RHOQ: variants seen among roughly 807,000 people sequenced by gnomAD.
RHOQ encodes rho-related GTP-binding protein RhoQ.
In RHOQ, 7 loss-of-function variants were observed where a neutral mutation model predicts 25.8. The ratio of observed to expected loss-of-function variants is 0.27; its 90% CI spans 0.15 to 0.51. The LOEUF (loss-of-function observed/expected upper bound fraction) is 0.51. RHOQ is among the 20% of genes least tolerant of loss of function. RHOQ has a pLI of 0.97. For synonymous variants in RHOQ, 97 were observed against 98.6 expected (o/e 0.98, Z 0.10); for missense variants, 165 against 260.6 (o/e 0.63, Z 2.53).
chr2:46,582,709 G>A lies in RHOQ; in HGVS notation c.*1626G>A, dbSNP rs1016972107. The A allele has an allele frequency of 5.2e-5, 8 of 152,546 alleles. No homozygotes were observed. Among genetic ancestry groups the A allele is most frequent in the African/African-American group, 1.9e-4 (8 of 41,416 alleles). The allele number at this position is 152,546 out of a possible 1,614,324, so 9.4% of individuals were successfully genotyped here. ...TGTCTACTGCACAGATTGGGTAATG[G>A]AACACTAAACTTTTATACTTGAAAA... is the stretch of plus-strand genomic sequence containing the variant. On this transcript the variant is annotated 3_prime_UTR_variant, in exon 5 of 5. Transcript: ENST00000238738.
intron 2 of RHOQ, among the ~76,000 whole-genome samples, chr2:46,568,100 T>C (rs374274085): frequency 1.3e-4 from 20 of 152,214 alleles, no homozygotes; most frequent in African/African-American, 4.8e-4. Context: ...TGCACTAAAG[T>C]TATGCCAAAA....
At chr2:46,571,927 C>A (rs185043982) in intron 2 of RHOQ, among the ~76,000 whole-genome samples, 2 of 151,950 alleles carry the variant, frequency 1.3e-5, no homozygotes, top group African/African-American at 4.8e-5. Flanking sequence ...ATGAAGGGGA[C>A]AAAGAATAGT....
At chr2:46,561,128 C>CTG (rs201570998) in intron 2 of RHOQ, among the ~76,000 whole-genome samples, 5,870 of 149,170 alleles carry the variant, frequency 0.039, 126 homozygotes, top group African/African-American at 0.064. Flanking sequence ...GTTTATATGT[C>CTG]TGTGTGTGTG....
chr2:46,578,908 G>GAGAGAAAATATTGTATATATTTCTCTCTA (rs1669240475), intron 4 of RHOQ, among the ~76,000 whole-genome samples: 1 of 143,216 alleles, frequency 7.0e-6, no homozygotes, highest in Admixed American at 7.1e-5. Flanking sequence ...GTGTGTGTGT[G>GAGAGAAAATATTGTATATATTTCTCTCTA]TATATGTATA....
intron 1 of RHOQ, 122 bp from the exon 2 acceptor site, chr2:46,543,632 G>A: frequency 8.7e-6 from 7 of 804,038 alleles, no homozygotes; most frequent in Non-Finnish European, 1.5e-5. Flanking sequence ...GTGACATCTC[G>A]CGGGGAGCGC....
rs956987133 is a variant in RHOQ, at chr2:46,573,571, T to C, written c.202-2516T>C. On this transcript the variant is annotated intron_variant, in intron 2 of 4. Coordinates refer to ENST00000238738, the MANE Select transcript of RHOQ (RefSeq NM_012249.4). Reference sequence around the variant, plus strand: ...TGATTGGTCCAATTGTCCTCCTTTGTGCTCACGTCTCTCATGGAGGAAAGT... The same window carrying C: ...TGATTGGTCCAATTGTCCTCCTTTGCGCTCACGTCTCTCATGGAGGAAAGT... 2.0e-5 allele frequency among the ~76,000 whole-genome samples: 3 copies of C among 152,258 alleles called. No homozygotes were observed. In the South Asian group the frequency reaches 6.2e-4, roughly 31 times the overall value.
intron 2 of RHOQ, among the ~76,000 whole-genome samples, chr2:46,545,421 G>A (rs1668013869): frequency 6.6e-6 from 1 of 152,120 alleles, no homozygotes; most frequent in South Asian, 2.1e-4. Flanking sequence ...TGTTCAACAG[G>A]ATGTGTGTAG....
rs1433565454 is a variant in RHOQ, at chr2:46,548,449, C to A, written c.201+4637C>A. On this transcript the variant is annotated intron_variant, in intron 2 of 4. Coordinates refer to ENST00000238738, the MANE Select transcript of RHOQ (RefSeq NM_012249.4). This position sits in a 1 kb window ranked among gnomAD's most constrained non-coding sequence, Gnocchi z 5.2. ...CTCCTCCCACCTCCAGGCAAGTCAT[C>A]CTCACAACACCCTTCAAGGTAGACT... Among the ~76,000 whole-genome samples the A allele has an allele frequency of 2.6e-5, 4 of 152,336 alleles. No individual in the cohort carries two copies. The East Asian group carries it at 7.7e-4, about 29-fold the overall frequency.
chr2:46,561,818 G>A (rs1298280846), intron 2 of RHOQ, among the ~76,000 whole-genome samples: 6 of 152,050 alleles, frequency 3.9e-5, no homozygotes, highest in East Asian at 1.9e-4. Context: ...CCTCTGCACC[G>A]CATTTTTTTA....
At chr2:46,543,448 C>T (rs1572729825) in intron 1 of RHOQ, 2 of 601,294 alleles carry the variant, frequency 3.3e-6, no homozygotes, top group South Asian at 2.0e-5. Context: ...GGGCCGTCCT[C>T]CTTGACCTTC....
At chr2:46,577,012 C>T (rs1033853712) in intron 4 of RHOQ, 1 of 173,708 alleles carries the variant, frequency 5.8e-6, no homozygotes, top group Middle Eastern at 2.5e-3. Flanking sequence ...ACACGTGTCA[C>T]TACTTTCAAC....
chr2:46,573,308 C>T (rs1668997964), intron 2 of RHOQ, among the ~76,000 whole-genome samples: 1 of 152,200 alleles, frequency 6.6e-6, no homozygotes, highest in South Asian at 2.1e-4. Context: ...AAGAGTCCCA[C>T]CTCGGCCTCC....
rs1219350306 is a variant in RHOQ at position 46,569,304 on chromosome 2, G to A, written c.202-6783G>A. 1 of 152,178 alleles carries A rather than the reference G, an allele frequency of 6.6e-6. No homozygotes were observed. Among genetic ancestry groups the A allele is most frequent in the East Asian group, 1.9e-4 (1 of 5,200 alleles). 9.4% of individuals were successfully genotyped at this position (152,178 alleles called of 1,614,324 possible). On this transcript the variant is annotated intron_variant, in intron 2 of 4. Transcript: ENST00000238738. The surrounding 1 kb of genome is among the most constrained non-coding windows in gnomAD (Gnocchi z 4.1). ...TTGTGGTGGTCAGCTTAGATAAAAT[G>A]GAATCCTAAAACTTGATTTTTATCC...
At position 46,555,295 on chromosome 2, in the gene RHOQ, T is replaced by C. The variant is rs1473922855; in HGVS notation, c.201+11483T>C. On this transcript the variant is annotated intron_variant, in intron 2 of 4. Transcript: ENST00000238738. This position sits in a 1 kb window ranked among gnomAD's most constrained non-coding sequence, Gnocchi z 4.3. ...GCACTCTAGCATTTGGTTTTATTCA[T>C]GTGTAAATCTTTGCTCCCCATGCAG... 6.6e-6 allele frequency among the ~76,000 whole-genome samples: 1 copy of C among 152,230 alleles called. No homozygotes were observed. Among genetic ancestry groups the C allele is most frequent in the African/African-American group, 2.4e-5 (1 of 41,466 alleles).
chr2:46,565,869 G>C (rs1038705562), intron 2 of RHOQ, among the ~76,000 whole-genome samples: 2 of 152,232 alleles, frequency 1.3e-5, no homozygotes, highest in African/African-American at 4.8e-5. Context: ...TCGTATTACA[G>C]TATAAACAAA....
rs796424216 is a variant in RHOQ, at chr2:46,549,894, C to G, written c.201+6082C>G. Among the ~76,000 whole-genome samples the G allele has an allele frequency of 7.2e-5, 11 of 152,246 alleles. 1 individual carries two copies. Among genetic ancestry groups the G allele is most frequent in the African/African-American group, 2.4e-4 (10 of 41,522 alleles). On this transcript the variant is annotated intron_variant, in intron 2 of 4. Transcript: ENST00000238738. Reference sequence around the variant, plus strand: ...CCATGTTGCAGTGCTCAGCCCAGTGCCTGCTACCTTGTAGGCATGCAACAA... The same window carrying G: ...CCATGTTGCAGTGCTCAGCCCAGTGGCTGCTACCTTGTAGGCATGCAACAA...
At chr2:46,563,437 A>G (rs796698666) in intron 2 of RHOQ, among the ~76,000 whole-genome samples, 9 of 152,330 alleles carry the variant, frequency 5.9e-5, no homozygotes, top group African/African-American at 2.2e-4. Flanking sequence ...TAGTAATGTC[A>G]TGAGGCTATT....
intron 2 of RHOQ, among the ~76,000 whole-genome samples, chr2:46,546,479 T>C (rs1418640555): frequency 1.5e-4 from 3 of 20,114 alleles, no homozygotes; most frequent in East Asian, 7.6e-4. Context: ...TATATGTGTA[T>C]ATATATATAT....
chr2:46,576,916 T>G lies in RHOQ; in HGVS notation c.462+260T>G. ...CAGAGTTGGGTTTCAGTCCAAAGCC[T>G]GACTCCTGGGCCGAGACTCTTACAC... On this transcript the variant is annotated intron_variant, in intron 4 of 4. Coordinates refer to ENST00000238738, the MANE Select transcript of RHOQ (RefSeq NM_012249.4). This position sits in a 1 kb window ranked among gnomAD's most constrained non-coding sequence, Gnocchi z 5.1. 1 of 320,452 alleles carries G rather than the reference T, an allele frequency of 3.1e-6. No individual in the cohort carries two copies. The highest frequency in any genetic ancestry group is 5.7e-6 in the Non-Finnish European group (1 of 175,386). 19.9% of individuals were successfully genotyped at this position (320,452 alleles called of 1,614,324 possible).
Sources: allele counts gnomAD v4.1 joint callset (sites outside exome capture counted in the v4.1 genomes callset), GRCh38; gene constraint gnomAD v4.1.1; non-coding constraint Gnocchi (gnomAD v3.1); transcripts MANE v1.5; gene names NCBI Gene and HGNC (gene_info 2026-07-23, HGNC 2026-07-21).